The following TRDN variants were observed in gnomAD, a reference collection of about 807,000 sequenced individuals.
The protein encoded by TRDN is triadin, also known as triadin in skeletal muscle.
TRDN carries 161 observed loss-of-function variants against 149.7 expected under a neutral mutation model. The observed-to-expected ratio is 1.08, with a 90% CI of 0.95 to 1.23. The LOEUF (loss-of-function observed/expected upper bound fraction) is 1.23. Among genes scored for constraint, TRDN ranks in the 50% most tolerant of loss-of-function variants. The pLI, the probability that TRDN is intolerant of heterozygous loss-of-function variation, is 0.00. For synonymous variants in TRDN, 294 were observed against 250.5 expected, an observed-to-expected ratio of 1.17 and a Z score of -1.64; for missense variants, 896 against 823.5, an observed-to-expected ratio of 1.09 and a Z score of -1.08.
chr6:123,571,282 C>T (rs879933575), intron 1 of TRDN, 150 bp from the exon 2 acceptor site: 14 of 737,508 alleles, frequency 1.9e-5, no homozygotes, highest in Non-Finnish European at 2.8e-5. Context: ...CCTCCCTGCC[C>T]ACTAGCACAT....
intron 12 of TRDN, among the ~76,000 whole-genome samples, chr6:123,408,633 G>A (rs1048376321): frequency 7.3e-5 from 11 of 151,084 alleles, no homozygotes; most frequent in African/African-American, 1.2e-4. Context: ...AGCAGAGATC[G>A]CGCCATTGCA....
chr6:123,620,939 T>C (rs1853158), intron 1 of TRDN, among the ~76,000 whole-genome samples: 37,459 of 152,006 alleles, frequency 0.25, 4,793 homozygotes, highest in East Asian at 0.43. Flanking sequence ...ACTCAGTTGC[T>C]CTCACCAGTG....
intron 5 of TRDN, among the ~76,000 whole-genome samples, chr6:123,518,604 A>C (rs1779523569): frequency 1.3e-5 from 2 of 152,196 alleles, no homozygotes; most frequent in African/African-American, 4.8e-5. Flanking sequence ...GGGAGAATTA[A>C]CACAAAATCA....
chr6:123,356,973 G>C (rs1377593726), intron 20 of TRDN, among the ~76,000 whole-genome samples: 1 of 150,994 alleles, frequency 6.6e-6, no homozygotes, highest in African/African-American at 2.4e-5. Flanking sequence ...TAAATAAATA[G>C]CTTTGGCTCT....
chr6:123,337,436 G>C (rs1308970281), intron 22 of TRDN, among the ~76,000 whole-genome samples, 183 bp downstream of exon 22: 1 of 151,346 alleles, frequency 6.6e-6, no homozygotes, highest in Non-Finnish European at 1.5e-5. Flanking sequence ...GCACTTTCTT[G>C]GTAATAATGA....
intron 23 of TRDN, among the ~76,000 whole-genome samples, chr6:123,323,455 A>C (rs1176932750): frequency 6.6e-6 from 1 of 152,098 alleles, no homozygotes; most frequent in Non-Finnish European, 1.5e-5. Context: ...CACACCTCTC[A>C]AACCCATTAA....
At position 123,398,153 on chromosome 6, in the gene TRDN, C is replaced by T. The variant is rs905820488; in HGVS notation, c.1052-4476G>A. On this transcript the variant is annotated intron_variant, in intron 12 of 40. Transcript: ENST00000334268. ...CTGAGTAGCCGGGATTACAGGCGTCCGCCACTGCGCCCAGCTAATTTTTTT... is the reference window on the plus strand; with the variant it reads ...CTGAGTAGCCGGGATTACAGGCGTCTGCCACTGCGCCCAGCTAATTTTTTT... Among the ~76,000 whole-genome samples, 9 of 152,290 alleles carry T rather than the reference C, an allele frequency of 5.9e-5. No individual in the cohort carries two copies. In the East Asian group the frequency reaches 1.2e-3, roughly 20 times the overall value.
intron 23 of TRDN, among the ~76,000 whole-genome samples, chr6:123,323,290 G>A (rs943318965): frequency 1.8e-4 from 28 of 152,022 alleles, no homozygotes; most frequent in Non-Finnish European, 2.6e-4. Context: ...AAATTATTCA[G>A]AGTGGCTACA....
intron 12 of TRDN, among the ~76,000 whole-genome samples, chr6:123,430,372 G>A (rs1457795965): frequency 1.3e-5 from 2 of 150,988 alleles, no homozygotes; most frequent in African/African-American, 2.4e-5. Context: ...CACAAGGTCA[G>A]GAGATTGAGA....
At chr6:123,568,358 G>A (rs866316659) in intron 2 of TRDN, among the ~76,000 whole-genome samples, 5 of 152,170 alleles carry the variant, frequency 3.3e-5, no homozygotes, top group Non-Finnish European at 7.4e-5. Flanking sequence ...TTGGGGTCTG[G>A]AGGACAGTGG....
At chr6:123,524,167 T>C (rs1779824382) in intron 5 of TRDN, among the ~76,000 whole-genome samples, 1 of 152,150 alleles carries the variant, frequency 6.6e-6, no homozygotes, top group African/African-American at 2.4e-5. Flanking sequence ...TCTAGATGTT[T>C]AGCATGAATA....
chr6:123,597,802 T>G (rs1036704640), intron 1 of TRDN, among the ~76,000 whole-genome samples: 11 of 152,130 alleles, frequency 7.2e-5, no homozygotes, highest in Non-Finnish European at 1.5e-4. Context: ...ATAATGTAAT[T>G]ATATACATAA....
intron 9 of TRDN, among the ~76,000 whole-genome samples, chr6:123,487,439 A>G (rs1778023766): frequency 6.6e-6 from 1 of 151,438 alleles, no homozygotes; most frequent in Non-Finnish European, 1.5e-5. Context: ...CCTAAAGTTT[A>G]CCCTTCCTTC....
chr6:123,500,183 T>G (rs2114822318), intron 8 of TRDN, among the ~76,000 whole-genome samples: 1 of 152,278 alleles, frequency 6.6e-6, no homozygotes, highest in South Asian at 2.1e-4. Flanking sequence ...ACTTAGAAGG[T>G]TTTGTTATAT....
chr6:123,350,521 A>C (rs571581397), intron 21 of TRDN: 1 of 663,776 alleles, frequency 1.5e-6, no homozygotes, highest in South Asian at 6.8e-5. Flanking sequence ...AAACTATGTA[A>C]GAAAGCAAAG....
intron 12 of TRDN, among the ~76,000 whole-genome samples, chr6:123,418,028 A>T (rs192927946): frequency 5.6e-4 from 86 of 152,280 alleles, no homozygotes; most frequent in Admixed American, 7.2e-4. Flanking sequence ...GGCTCTCACA[A>T]TTAAAATTAC....
chr6:123,419,904 G>T (rs1328269108), intron 12 of TRDN, among the ~76,000 whole-genome samples: 1 of 152,158 alleles, frequency 6.6e-6, no homozygotes, highest in Non-Finnish European at 1.5e-5. Flanking sequence ...ATCAGCAGTA[G>T]AAATTTTTAC....
intron 12 of TRDN, among the ~76,000 whole-genome samples, chr6:123,398,400 C>T (rs770281374): frequency 6.6e-6 from 1 of 152,198 alleles, no homozygotes; most frequent in Non-Finnish European, 1.5e-5. Flanking sequence ...ATTAATTCAG[C>T]AGCTAAAATT....
At chr6:123,567,625 G>A (rs1036064993) in intron 2 of TRDN, among the ~76,000 whole-genome samples, 1 of 151,954 alleles carries the variant, frequency 6.6e-6, no homozygotes, top group African/African-American at 2.4e-5. Flanking sequence ...GGAGGAGCAA[G>A]AGAGAGAGTG....
Sources: allele counts gnomAD v4.1 joint callset (sites outside exome capture counted in the v4.1 genomes callset), GRCh38; gene constraint gnomAD v4.1.1; transcripts MANE v1.5; gene names NCBI Gene and HGNC (gene_info 2026-07-23, HGNC 2026-07-21).